Variants in GRM8 observed in about 807,000 individuals in gnomAD.
GRM8 encodes metabotropic glutamate receptor 8.
A neutral mutation model predicts 87.2 loss-of-function variants in GRM8; 47 were observed. That is an observed-to-expected ratio of 0.54 (90% CI 0.43 to 0.69). The LOEUF is 0.69. Among genes scored for constraint, GRM8 ranks in the 30% least tolerant of loss-of-function variants. GRM8 has a pLI of 0.00. For synonymous variants in GRM8, 396 were observed against 404.5 expected (o/e 0.98, Z 0.25); for missense variants, 1,019 against 1,139.2 (o/e 0.89, Z 1.52).
At chr7:127,227,320 C>T (rs1179790095) in intron 2 of GRM8, among the ~76,000 whole-genome samples, 1 of 152,204 alleles carries the variant, frequency 6.6e-6, no homozygotes, top group Non-Finnish European at 1.5e-5. Flanking sequence ...TCTCTCCCCA[C>T]AGAGGTGAAA....
intron 6 of GRM8, among the ~76,000 whole-genome samples, chr7:126,783,445 T>A (rs529272491): frequency 2.0e-5 from 3 of 152,162 alleles, no homozygotes; most frequent in Admixed American, 2.0e-4. Context: ...AAGGAAAACA[T>A]TGTCAAACAA....
At chr7:127,150,714 C>T (rs1267963846) in intron 2 of GRM8, among the ~76,000 whole-genome samples, 1 of 152,110 alleles carries the variant, frequency 6.6e-6, no homozygotes, top group African/African-American at 2.4e-5. Flanking sequence ...ACTCCCAGTT[C>T]TGTCCTCAAC....
chr7:126,984,501 A>G (rs182081390), intron 3 of GRM8, among the ~76,000 whole-genome samples: 357 of 152,314 alleles, frequency 2.3e-3, no homozygotes, highest in Middle Eastern at 3.4e-3. Context: ...CTCCCAGCCT[A>G]TATCTTTCTC....
At chr7:126,950,514 G>A (rs886494042) in intron 3 of GRM8, among the ~76,000 whole-genome samples, 5 of 151,378 alleles carry the variant, frequency 3.3e-5, no homozygotes, top group African/African-American at 7.3e-5. Context: ...TCTCAGTATC[G>A]CTTTGAAATA....
At chr7:127,015,061 GAA>G (rs1815367627) in intron 3 of GRM8, among the ~76,000 whole-genome samples, 1 of 98,408 alleles carries the variant, frequency 1.0e-5, no homozygotes, top group Non-Finnish European at 2.4e-5. Context: ...AGAAGAAGAA[GAA>G]GAAGAAAGAA....
chr7:126,841,902 G>T (rs1473920100), intron 6 of GRM8, among the ~76,000 whole-genome samples: 1 of 151,994 alleles, frequency 6.6e-6, no homozygotes, highest in Non-Finnish European at 1.5e-5. Context: ...AAAATGCTGG[G>T]ATTACAGGCG....
chr7:126,655,139 C>G (rs947471744), intron 7 of GRM8, among the ~76,000 whole-genome samples: 2 of 152,174 alleles, frequency 1.3e-5, no homozygotes, highest in Admixed American at 1.3e-4. Flanking sequence ...CGTAAAGGTG[C>G]TTTTCATAAC....
At chr7:126,508,251 G>GCACA (rs10609479) in intron 9 of GRM8, among the ~76,000 whole-genome samples, 13 of 150,238 alleles carry the variant, frequency 8.7e-5, no homozygotes, top group African/African-American at 2.9e-4. Flanking sequence ...ACACACACTG[G>GCACA]CACACACACA....
chr7:127,099,198 G>A (rs940555375), intron 3 of GRM8, among the ~76,000 whole-genome samples: 1 of 152,150 alleles, frequency 6.6e-6, no homozygotes, highest in African/African-American at 2.4e-5. Context: ...TAATGTCAAT[G>A]AAACATTATA....
At position 127,182,077 on chromosome 7, in the gene GRM8, A is replaced by T. The variant is rs552663961; in HGVS notation, c.510+60618T>A. ...CAGACAACCCACAAAGGGGGAGAAA[A>T]TCTTCACAATCTATACATCTGACAA... On this transcript the variant is annotated intron_variant, in intron 2 of 10. Coordinates refer to ENST00000339582, the MANE Select transcript of GRM8 (RefSeq NM_000845.3). Among the ~76,000 whole-genome samples the T allele has an allele frequency of 5.8e-4, 89 of 152,278 alleles. 1 individual carries two copies. Among genetic ancestry groups the T allele is most frequent in the East Asian group, 3.3e-3 (17 of 5,190 alleles).
chr7:126,914,903 C>T (rs543070181), intron 3 of GRM8, among the ~76,000 whole-genome samples: 19 of 152,042 alleles, frequency 1.2e-4, no homozygotes, highest in African/African-American at 4.3e-4. Flanking sequence ...GCTCATGTAC[C>T]CCCCCAATCT....
intron 2 of GRM8, among the ~76,000 whole-genome samples, chr7:127,140,579 T>G (rs1828208416): frequency 2.0e-5 from 3 of 152,164 alleles, no homozygotes. Flanking sequence ...GTACTTCAAA[T>G]GCCCTTGGGT....
intron 6 of GRM8, among the ~76,000 whole-genome samples, chr7:126,853,136 C>T (rs774924361): frequency 2.0e-5 from 3 of 152,156 alleles, no homozygotes; most frequent in Non-Finnish European, 4.4e-5. Flanking sequence ...TTGCTTCCTC[C>T]GTTTCTTTCA....
chr7:127,197,986 A>C (rs537795305), intron 2 of GRM8, among the ~76,000 whole-genome samples: 5 of 143,102 alleles, frequency 3.5e-5, no homozygotes, highest in Admixed American at 7.0e-5. Flanking sequence ...ATGTGGAATC[A>C]AAAAAAAAAG....
intron 6 of GRM8, among the ~76,000 whole-genome samples, chr7:126,820,774 G>C (rs1794223781): frequency 6.6e-6 from 1 of 152,018 alleles, no homozygotes; most frequent in Non-Finnish European, 1.5e-5. Flanking sequence ...TTCCTCCTAT[G>C]AGCTGAAGGC....
At chr7:126,586,170 C>A (rs9690259) in intron 8 of GRM8, among the ~76,000 whole-genome samples, 82 of 151,334 alleles carry the variant, frequency 5.4e-4, no homozygotes, top group African/African-American at 2.0e-3. Flanking sequence ...CACTGCTCAA[C>A]GAAAAAAAAG....
intron 8 of GRM8, among the ~76,000 whole-genome samples, chr7:126,569,073 C>T (rs1780272389): frequency 6.6e-6 from 1 of 152,150 alleles, no homozygotes; most frequent in Non-Finnish European, 1.5e-5. Context: ...CAAAATTCCA[C>T]TCTATTATAC....
At chr7:126,853,472 T>C (rs987456867) in intron 6 of GRM8, among the ~76,000 whole-genome samples, 2 of 152,116 alleles carry the variant, frequency 1.3e-5, no homozygotes, top group Non-Finnish European at 2.9e-5. Context: ...GGAAGCCTGG[T>C]TTCTGACTTA....
At chr7:126,712,959 G>A (rs1403102432) in intron 7 of GRM8, among the ~76,000 whole-genome samples, 1 of 152,170 alleles carries the variant, frequency 6.6e-6, no homozygotes, top group Non-Finnish European at 1.5e-5. Context: ...CGCTGGTGAG[G>A]ATGTGGAAAA....
Sources: gnomAD v4.1 joint callset for allele counts (sites outside exome capture counted in the v4.1 genomes callset) on GRCh38, gnomAD v4.1.1 for gene constraint, MANE v1.5 for transcripts, NCBI Gene and HGNC (gene_info 2026-07-23, HGNC 2026-07-21) for gene names.